PFKM: variants seen among roughly 807,000 people sequenced by gnomAD.
The protein encoded by PFKM is ATP-dependent 6-phosphofructokinase, muscle type.
In PFKM, 58 loss-of-function variants were observed where a neutral mutation model predicts 95.5. The ratio of observed to expected loss-of-function variants is 0.61; its 90% CI spans 0.49 to 0.76. The LOEUF (loss-of-function observed/expected upper bound fraction) is 0.76, where lower values mean the gene tolerates loss of function less well. Ranked by LOEUF, PFKM falls within the 30% of genes least tolerant of loss-of-function variation. The pLI is 0.00. For missense variants in PFKM, 678 were observed against 1,005.4 expected, an observed-to-expected ratio of 0.67 and a Z score of 4.40; for synonymous variants, 336 against 357.2, an observed-to-expected ratio of 0.94 and a Z score of 0.67.
chr12:48,119,453 A>G, intron 1 of PFKM, 47 bp downstream of exon 1: 1 of 977,900 alleles, frequency 1.0e-6, no homozygotes, highest in Non-Finnish European at 1.2e-6. Context: ...GCTGGGAGTG[A>G]GGTGGGAAGG....
At chr12:48,135,584 C>T (rs549845771) in intron 10 of PFKM, among the ~76,000 whole-genome samples, 47 of 152,300 alleles carry the variant, frequency 3.1e-4, no homozygotes, top group African/African-American at 7.7e-4. Flanking sequence ...TGAGAGACTA[C>T]GCCTTCCTAA....
rs375157316 is a variant in PFKM at position 48,123,321 on chromosome 12, G to T, written c.85+462G>T. Among the ~76,000 whole-genome samples the T allele has an allele frequency of 1.3e-3, 203 of 152,134 alleles. 7 individuals are homozygous for T. The South Asian group carries it at 0.04, about 30-fold the overall frequency. On this transcript the variant is annotated intron_variant, in intron 2 of 22. Coordinates refer to ENST00000359794, the MANE Select transcript of PFKM (RefSeq NM_000289.6). ...ACTGACCAAGGTCAGTCAGGCACTC[G>T]GTTTTCTCTGGCCTTTCCTCCTCTT...
At chr12:48,116,114 C>A (rs1947649910), upstream of PFKM, among the ~76,000 whole-genome samples, 1 of 146,044 alleles carries the variant, frequency 6.8e-6, no homozygotes, top group African/African-American at 2.5e-5. Context: ...TTTCCTTTCC[C>A]CCCTTCCCTC....
intron 3 of PFKM, among the ~76,000 whole-genome samples, chr12:48,113,070 T>A (rs1454325575): frequency 6.6e-6 from 1 of 152,006 alleles, no homozygotes; most frequent in African/African-American, 2.4e-5. Flanking sequence ...CCAGGAACAG[T>A]CAGGGAAGCA....
upstream of PFKM, chr12:48,119,194 C>CT: frequency 1.3e-6 from 1 of 781,228 alleles, no homozygotes; most frequent in African/African-American, 1.9e-5. Flanking sequence ...GAGCTGAGTA[C>CT]TTAGGGGGAG....
At chr12:48,130,129 T>TG (rs916148113) in intron 2 of PFKM, among the ~76,000 whole-genome samples, 1 of 152,090 alleles carries the variant, frequency 6.6e-6, no homozygotes, top group Admixed American at 6.6e-5. Context: ...GGCAGGATTT[T>TG]GGGGGGGCTT....
chr12:48,144,955 T>C (rs1950899172), intron 20 of PFKM, 76 bp from the exon 21 acceptor site: 9 of 1,077,134 alleles, frequency 8.4e-6, no homozygotes, highest in Non-Finnish European at 1.3e-5. Flanking sequence ...TCTTTCTTTT[T>C]TTCTCTGTGT....
chr12:48,140,730 G>A lies in PFKM; in HGVS notation c.1200G>A (p.Ser400=), dbSNP rs746775189. The A allele has an allele frequency of 1.7e-5, 28 of 1,613,992 alleles. No homozygotes were observed. The highest frequency in any genetic ancestry group is 8.3e-5 in the Admixed American group (5 of 60,012). Residue 400 remains serine (S), a synonymous_variant, in exon 14 of 23, where the codon TCG becomes TCA. Coordinates refer to ENST00000359794, the MANE Select transcript of PFKM (RefSeq NM_000289.6). The stretch of plus-strand genomic sequence containing the variant: ...TGCTTCCTCCTGTATAGAGTGGTTC[G>A]CACACAGTGGCTGTGATGAACGTGG... ...HVRPPVSKSG[S]HTVAVMNVGA... is the part of the protein sequence containing the mutation.
In PFKM at chr12:48,137,816, G is replaced by A. The variant is rs1329869497; in HGVS notation, c.1032G>A (p.Val344=). 1.2e-6 allele frequency: 2 copies of A among 1,614,128 alleles called. No individual in the cohort carries two copies. Among genetic ancestry groups the A allele is most frequent in the East Asian group, 2.2e-5 (1 of 44,868 alleles). The change falls in exon 11 of 23, where the codon GTG becomes GTA. Residue 344 remains valine (V), a synonymous_variant. Coordinates refer to ENST00000359794, the MANE Select transcript of PFKM (RefSeq NM_000289.6). ...TGAGCCTCTCTGGTAACCAGGCTGT[G>A]CGCCTGCCCCTCATGGAATGTGTCC... ...CVVSLSGNQA[V]RLPLMECVQV...
chr12:48,138,273 T>A (rs1950275397), intron 11 of PFKM, among the ~76,000 whole-genome samples: 1 of 152,238 alleles, frequency 6.6e-6, no homozygotes, highest in Non-Finnish European at 1.5e-5. Flanking sequence ...ACGAGGTTAC[T>A]AATGCTAACG....
intron 2 of PFKM, among the ~76,000 whole-genome samples, chr12:48,107,807 A>G (rs1174973341): frequency 3.9e-5 from 6 of 152,306 alleles, no homozygotes; most frequent in African/African-American, 1.2e-4. Flanking sequence ...CTGACACTCC[A>G]AAACTATCAG....
intron 2 of PFKM, among the ~76,000 whole-genome samples, chr12:48,129,385 A>G (rs942365847): frequency 1.3e-5 from 2 of 151,642 alleles, no homozygotes; most frequent in African/African-American, 4.8e-5. Flanking sequence ...TTCTTCCAGT[A>G]GAAGCAGAGA....
chr12:48,139,618 A>G (rs942024484), intron 12 of PFKM: 7 of 623,094 alleles, frequency 1.1e-5, no homozygotes, highest in African/African-American at 1.8e-5. Context: ...TAGGCAAGGG[A>G]CAGTCTCTTG....
chr12:48,139,374 TAGCTAC>T, intron 12 of PFKM, 25 bp downstream of exon 12: 1 of 1,591,964 alleles, frequency 6.3e-7, no homozygotes, highest in Non-Finnish European at 8.6e-7. Flanking sequence ...GGAAGCTCAC[TAGCTAC>T]AGAAATCAGA....
intron 1 of PFKM, chr12:48,106,386 G>T: frequency 2.1e-6 from 1 of 467,914 alleles, no homozygotes; most frequent in Non-Finnish European, 3.8e-6. Flanking sequence ...GTTCCGCCCG[G>T]CGAGTTTTGC....
At chr12:48,143,902 A>C in intron 19 of PFKM, 88 bp downstream of exon 19, 1 of 1,139,396 alleles carries the variant, frequency 8.8e-7, no homozygotes. Flanking sequence ...GGACACCCTG[A>C]GGAATCTGTA....
chr12:48,145,990 C>A lies in PFKM; in HGVS notation c.*282C>A. The A allele has an allele frequency of 2.4e-6, 1 of 425,170 alleles. No homozygotes were observed. The highest frequency in any genetic ancestry group is 4.3e-6 in the Non-Finnish European group (1 of 233,050). The allele number at this position is 425,170 out of a possible 1,614,324, so 26.3% of individuals were successfully genotyped here. The stretch of plus-strand genomic sequence containing the variant: ...ATATCACTTACTCAGTTAGAATTTT[C>A]CTAAAAATAAGCTTTATTTATTTCT... On this transcript the variant is annotated 3_prime_UTR_variant, in exon 23 of 23. Coordinates refer to ENST00000359794, the MANE Select transcript of PFKM (RefSeq NM_000289.6). This position sits in a 1 kb window ranked among gnomAD's most constrained non-coding sequence, Gnocchi z 4.3.
chr12:48,140,658 T>C (rs1950504401), intron 13 of PFKM, 64 bp from the exon 14 acceptor site: 5 of 1,559,980 alleles, frequency 3.2e-6, no homozygotes, highest in Non-Finnish European at 4.4e-6. Context: ...CCTCCTTTAC[T>C]AACCTCCTCC....
At chr12:48,133,132 G>C in intron 5 of PFKM, 75 bp downstream of exon 5, 1 of 1,457,346 alleles carries the variant, frequency 6.9e-7, no homozygotes, top group Non-Finnish European at 9.6e-7. Context: ...CATCGCCCCC[G>C]CCCTGCTTTT....
Sources: allele counts gnomAD v4.1 joint callset (sites outside exome capture counted in the v4.1 genomes callset), GRCh38; gene constraint gnomAD v4.1.1; non-coding constraint Gnocchi (gnomAD v3.1); transcripts MANE v1.5; gene names NCBI Gene and HGNC (gene_info 2026-07-23, HGNC 2026-07-21).